The following ANKRD31 variants were observed in gnomAD, a reference collection of about 807,000 sequenced individuals.
ANKRD31 encodes ankyrin repeat domain-containing protein 31.
ANKRD31 carries 147 observed loss-of-function variants against 186.0 expected under a neutral mutation model. The observed-to-expected ratio is 0.79, with a 90% CI of 0.69 to 0.91. The LOEUF is 0.91. Among genes scored for constraint, ANKRD31 ranks in the 40% least tolerant of loss-of-function variants. ANKRD31 has a pLI of 0.00. For missense variants in ANKRD31, 1,986 were observed against 2,148.8 expected, an observed-to-expected ratio of 0.92 and a Z score of 1.50; for synonymous variants, 673 against 736.4, an observed-to-expected ratio of 0.91 and a Z score of 1.39.
intron 4 of ANKRD31, 108 bp from the exon 5 acceptor site, chr5:75,206,595 G>T: frequency 8.3e-6 from 4 of 479,148 alleles, no homozygotes; most frequent in South Asian, 1.0e-4. Flanking sequence ...TTTCCAAATA[G>T]GATAATTTTT....
At chr5:75,226,923 T>C (rs1448085111) in intron 2 of ANKRD31, among the ~76,000 whole-genome samples, 1 of 152,050 alleles carries the variant, frequency 6.6e-6, no homozygotes, top group Non-Finnish European at 1.5e-5. Context: ...CCTAGGTATT[T>C]GGGATTTTCC....
At chr5:75,152,907 T>G (rs1168894356) in intron 12 of ANKRD31, among the ~76,000 whole-genome samples, 1 of 151,932 alleles carries the variant, frequency 6.6e-6, no homozygotes, top group Non-Finnish European at 1.5e-5. Context: ...TTTTAATATA[T>G]CCATGTATAT....
rs921782598 is a variant in ANKRD31 at position 75,178,912 on chromosome 5, C to CA, written c.1564+9580dup. Among the ~76,000 whole-genome samples the CA allele has an allele frequency of 6.6e-5, 10 of 152,074 alleles. 1 individual carries two copies. The South Asian group carries it at 1.2e-3, about 19-fold the overall frequency. ...AGCAGAACTGAAGGAAATAGAGACA[C>CA]AAAAAACGCTTCAAAAATTAATGAA... On this transcript the variant is annotated intron_variant, in intron 10 of 25. Transcript: ENST00000506364.
chr5:75,145,949 A>G, intron 14 of ANKRD31, 38 bp downstream of exon 14: 2 of 1,347,028 alleles, frequency 1.5e-6, no homozygotes, highest in South Asian at 1.8e-5. Context: ...AAGTAAATCT[A>G]TAGGAAATAT....
At chr5:75,178,214 G>T (rs979123161) in intron 10 of ANKRD31, among the ~76,000 whole-genome samples, 1 of 152,118 alleles carries the variant, frequency 6.6e-6, no homozygotes, top group African/African-American at 2.4e-5. Context: ...CCCAATACAG[G>T]AGCACCCAGA....
intron 22 of ANKRD31, among the ~76,000 whole-genome samples, chr5:75,099,137 T>C (rs560484787): frequency 6.6e-6 from 1 of 152,346 alleles, no homozygotes; most frequent in East Asian, 1.9e-4. Flanking sequence ...GTTTTTAGCA[T>C]GAAGTATTGT....
chr5:75,107,480 A>G, intron 21 of ANKRD31, 41 bp downstream of exon 21: 1 of 1,337,770 alleles, frequency 7.5e-7, no homozygotes, highest in South Asian at 1.4e-5. Context: ...GATAAATTCT[A>G]GAAACTCAAA....
At chr5:75,227,431 T>C (rs1389622390) in intron 2 of ANKRD31, among the ~76,000 whole-genome samples, 1 of 152,218 alleles carries the variant, frequency 6.6e-6, no homozygotes, top group Non-Finnish European at 1.5e-5. Flanking sequence ...ATAATTGGAT[T>C]GTTTGAAACA....
intron 1 of ANKRD31, 62 bp downstream of exon 1, chr5:75,236,521 C>A: frequency 7.0e-7 from 1 of 1,422,140 alleles, no homozygotes; most frequent in Non-Finnish European, 9.5e-7. Context: ...CTGACCCCCT[C>A]AGAGGGCACC....
intron 17 of ANKRD31, among the ~76,000 whole-genome samples, chr5:75,120,939 C>G (rs1203021911): frequency 2.0e-5 from 3 of 152,084 alleles, no homozygotes; most frequent in African/African-American, 7.2e-5. Flanking sequence ...AATCCCAGCA[C>G]TTTGGGAGGC....
intron 22 of ANKRD31, among the ~76,000 whole-genome samples, chr5:75,102,935 T>C (rs1295992550): frequency 2.0e-5 from 3 of 152,192 alleles, no homozygotes; most frequent in Non-Finnish European, 4.4e-5. Flanking sequence ...CTGCACGCAC[T>C]GTCCGATAAG....
chr5:75,119,822 G>T (rs978627479), intron 17 of ANKRD31, among the ~76,000 whole-genome samples: 10 of 152,148 alleles, frequency 6.6e-5, no homozygotes, highest in African/African-American at 2.4e-4. Context: ...TTCTGGCTTT[G>T]ATTTGTACTT....
chr5:75,091,245 C>T lies in ANKRD31; in HGVS notation c.5472+16G>A. On this transcript the variant is annotated intron_variant, in intron 23 of 25. Transcript: ENST00000506364. ...ATTTGAATATGAAGTTAAAGATAAA[C>T]TTAAGAATGACCCACCTTACTCCAA... The T allele has an allele frequency of 1.3e-6, 2 of 1,516,814 alleles. No homozygotes were observed. Among genetic ancestry groups the T allele is most frequent in the Non-Finnish European group, 1.8e-6 (2 of 1,140,444 alleles). 94.0% of individuals were successfully genotyped at this position (1,516,814 alleles called of 1,614,324 possible).
intron 22 of ANKRD31, among the ~76,000 whole-genome samples, chr5:75,097,565 T>A (rs1373362753): frequency 6.6e-6 from 1 of 152,236 alleles, no homozygotes; most frequent in Non-Finnish European, 1.5e-5. Flanking sequence ...TAGCCCTTTG[T>A]CAGATGGGTA....
intron 5 of ANKRD31, among the ~76,000 whole-genome samples, chr5:75,201,241 G>A (rs1387876930): frequency 3.3e-5 from 5 of 152,158 alleles, no homozygotes; most frequent in Non-Finnish European, 7.3e-5. Context: ...AATCAGTTAG[G>A]AGGGCTAAAA....
intron 17 of ANKRD31, among the ~76,000 whole-genome samples, chr5:75,121,668 T>A (rs949991265): frequency 6.6e-6 from 1 of 152,074 alleles, no homozygotes; most frequent in Admixed American, 6.6e-5. Flanking sequence ...TTCTCAAAAC[T>A]ATACAAATAC....
intron 17 of ANKRD31, among the ~76,000 whole-genome samples, chr5:75,126,661 C>G (rs948168831): frequency 2.6e-5 from 4 of 152,100 alleles, no homozygotes; most frequent in South Asian, 2.1e-4. Flanking sequence ...ATAAAAATTG[C>G]CAAATTGTTT....
At chr5:75,208,795 T>C (rs1179797963) in intron 4 of ANKRD31, among the ~76,000 whole-genome samples, 1 of 152,208 alleles carries the variant, frequency 6.6e-6, no homozygotes, top group Non-Finnish European at 1.5e-5. Flanking sequence ...TTTTTGGGCA[T>C]ATTCATTTCC....
Position 75,146,864 on chromosome 5 carries a change from T to C in ANKRD31, c.2547A>G (p.Pro849=). Residue 849 remains proline, a synonymous_variant, in exon 14 of 26, where the codon CCA becomes CCG. Coordinates refer to ENST00000506364, the MANE Select transcript of ANKRD31 (RefSeq NM_001372053.1). The stretch of plus-strand genomic sequence containing the variant: ...GAGGCTGCTTATCTGTAGTAACAAC[T>C]GGTAACTTGATTTCTTTATGTAATA... ...GLLLHKEIKL[P]VVTTDKQPHT... 1 of 1,536,398 alleles carries C rather than the reference T, an allele frequency of 6.5e-7. No individual in the cohort carries two copies. Among genetic ancestry groups the C allele is most frequent in the Non-Finnish European group, 8.7e-7 (1 of 1,146,334 alleles).
Sources: allele counts gnomAD v4.1 joint callset (sites outside exome capture counted in the v4.1 genomes callset), GRCh38; gene constraint gnomAD v4.1.1; transcripts MANE v1.5; gene names NCBI Gene and HGNC (gene_info 2026-07-23, HGNC 2026-07-21).